The following FSIP1 variants were observed in gnomAD, a reference collection of about 807,000 sequenced individuals.
FSIP1 encodes fibrous sheath interacting protein 1.
Under a neutral mutation model 60.9 loss-of-function variants are expected in FSIP1, and 65 were observed. That is an observed-to-expected ratio of 1.07 (90% confidence interval 0.87 to 1.31). The LOEUF (loss-of-function observed/expected upper bound fraction) is 1.31. Ranked by LOEUF, FSIP1 falls within the 40% of genes most tolerant of loss-of-function variation. FSIP1 has a pLI of 0.00. For missense variants in FSIP1, 675 were observed against 665.5 expected, an observed-to-expected ratio of 1.01 and a Z score of -0.16; for synonymous variants, 209 against 221.2, an observed-to-expected ratio of 0.94 and a Z score of 0.49.
chr15:39,646,347 C>T (rs1209889683), intron 10 of FSIP1, among the ~76,000 whole-genome samples: 1 of 151,680 alleles, frequency 6.6e-6, no homozygotes, highest in Non-Finnish European at 1.5e-5. Context: ...AGAACTCGGG[C>T]AAAGGTGCTG....
At chr15:39,777,481 A>T (rs983211790) in intron 1 of FSIP1, among the ~76,000 whole-genome samples, 1 of 152,222 alleles carries the variant, frequency 6.6e-6, no homozygotes, top group African/African-American at 2.4e-5. Context: ...ACTATTCTTC[A>T]TGTGATATAT....
intron 8 of FSIP1, among the ~76,000 whole-genome samples, chr15:39,736,672 A>AG (rs777886658): frequency 2.8e-4 from 43 of 152,214 alleles, no homozygotes; most frequent in Non-Finnish European, 5.4e-4. Context: ...AGCAAAAAAA[A>AG]CTACGCTCTG....
intron 2 of FSIP1, among the ~76,000 whole-genome samples, 183 bp downstream of exon 2, chr15:39,776,216 G>GGGAGGGAGGGAGGGAGGGATGGAA (rs758628766): frequency 9.5e-6 from 1 of 105,254 alleles, no homozygotes; most frequent in African/African-American, 3.2e-5. Context: ...GAGGGAGGGA[G>GGGAGGGAGGGAGGGAGGGATGGAA]GGAAGGAATG....
chr15:39,601,122 A>G (rs1463216761), intron 11 of FSIP1, among the ~76,000 whole-genome samples, 196 bp from the exon 12 acceptor site: 1 of 152,180 alleles, frequency 6.6e-6, no homozygotes, highest in Admixed American at 6.5e-5. Context: ...CAGGGCGCCT[A>G]CTCTCATTGA....
At chr15:39,679,942 C>G (rs947712133) in intron 10 of FSIP1, among the ~76,000 whole-genome samples, 3 of 152,102 alleles carry the variant, frequency 2.0e-5, no homozygotes, top group Non-Finnish European at 4.4e-5. Context: ...ACTTAGCATT[C>G]ATTTGAACGT....
At chr15:39,709,422 C>T (rs1257898477) in intron 10 of FSIP1, among the ~76,000 whole-genome samples, 2 of 152,178 alleles carry the variant, frequency 1.3e-5, no homozygotes, top group African/African-American at 4.8e-5. Context: ...AAAAGTGTTA[C>T]TAAACTTTCA....
chr15:39,748,528 A>T (rs188145305), intron 5 of FSIP1, among the ~76,000 whole-genome samples: 1 of 152,280 alleles, frequency 6.6e-6, no homozygotes, highest in South Asian at 2.1e-4. Flanking sequence ...TAGTGGCATA[A>T]ATTCCAGTAG....
intron 10 of FSIP1, among the ~76,000 whole-genome samples, chr15:39,670,892 A>G (rs537368476): frequency 6.6e-6 from 1 of 152,354 alleles, no homozygotes; most frequent in East Asian, 1.9e-4. Flanking sequence ...ACTATTTTTC[A>G]TTTTAGAATT....
At chr15:39,723,261 C>T (rs1566901763) in intron 9 of FSIP1, among the ~76,000 whole-genome samples, 1 of 152,218 alleles carries the variant, frequency 6.6e-6, no homozygotes. Flanking sequence ...CAGAGTCCCG[C>T]TCTGTCCTCC....
downstream of FSIP1, chr15:39,597,755 T>C (rs922218108): frequency 1.3e-5 from 2 of 152,222 alleles, no homozygotes; most frequent in Non-Finnish European, 2.9e-5. Context: ...ATAAAATTTC[T>C]TATTAAGGTC....
chr15:39,778,949 T>G (rs1898154940), intron 1 of FSIP1, among the ~76,000 whole-genome samples: 1 of 152,134 alleles, frequency 6.6e-6, no homozygotes, highest in South Asian at 2.1e-4. Context: ...AATTAATGAC[T>G]TAGTAAGCGT....
chr15:39,701,825 TG>T (rs1440227752), intron 10 of FSIP1, among the ~76,000 whole-genome samples: 30 of 152,212 alleles, frequency 2.0e-4, no homozygotes, highest in Admixed American at 2.0e-3. Context: ...CTTTATGTGT[TG>T]GGGATGGGAG....
At chr15:39,702,805 T>C (rs1012254898) in intron 10 of FSIP1, among the ~76,000 whole-genome samples, 5 of 151,970 alleles carry the variant, frequency 3.3e-5, no homozygotes, top group African/African-American at 1.2e-4. Flanking sequence ...TTCCATGTAA[T>C]CACACCTACA....
chr15:39,687,723 A>G (rs1419674867), intron 10 of FSIP1, among the ~76,000 whole-genome samples: 3 of 152,190 alleles, frequency 2.0e-5, no homozygotes, highest in Non-Finnish European at 4.4e-5. Flanking sequence ...TGTAAACATT[A>G]AGCCCTTAAT....
chr15:39,625,311 G>A (rs1356145397), intron 10 of FSIP1, among the ~76,000 whole-genome samples: 1 of 152,188 alleles, frequency 6.6e-6, no homozygotes, highest in Non-Finnish European at 1.5e-5. Flanking sequence ...ACCCCAGTGT[G>A]TAAGTTAGGG....
At chr15:39,642,184 C>A (rs1417430658) in intron 10 of FSIP1, among the ~76,000 whole-genome samples, 1 of 152,080 alleles carries the variant, frequency 6.6e-6, no homozygotes, top group African/African-American at 2.4e-5. Flanking sequence ...AAAAAGAATG[C>A]CATAGGACAA....
intron 5 of FSIP1, among the ~76,000 whole-genome samples, chr15:39,756,644 A>G (rs886330986): frequency 6.6e-6 from 1 of 152,078 alleles, no homozygotes; most frequent in Non-Finnish European, 1.5e-5. Context: ...CCTGAAGCTA[A>G]CTCTTAAATA....
chr15:39,713,601 A>G lies in FSIP1; in HGVS notation c.1051-20T>C. ...AGGTTTCTAATTTAAAGAAAAAAAA[A>G]AAACATCATTCACAGGCTGGAAATG... On this transcript the variant is annotated intron_variant, in intron 9 of 11. Coordinates refer to ENST00000350221, the MANE Select transcript of FSIP1 (RefSeq NM_152597.5). The G allele has an allele frequency of 6.3e-7, 1 of 1,579,936 alleles. No homozygotes were observed. The highest frequency in any genetic ancestry group is 8.5e-7 in the Non-Finnish European group (1 of 1,170,982).
chr15:39,674,735 T>G (rs1486582013), intron 10 of FSIP1, among the ~76,000 whole-genome samples: 2 of 152,154 alleles, frequency 1.3e-5, no homozygotes, highest in Non-Finnish European at 2.9e-5. Context: ...CTTTAAAATG[T>G]TTAGTGGAAA....
Sources: allele counts gnomAD v4.1 joint callset (sites outside exome capture counted in the v4.1 genomes callset), GRCh38; gene constraint gnomAD v4.1.1; transcripts MANE v1.5; gene names NCBI Gene and HGNC (gene_info 2026-07-23, HGNC 2026-07-21).